FHIT: variants seen among roughly 807,000 people sequenced by gnomAD.
The protein encoded by FHIT is fragile histidine triad diadenosine triphosphatase, also known as bis(5'-adenosyl)-triphosphatase.
Under a neutral mutation model 17.9 loss-of-function variants are expected in FHIT, and 19 were observed. That is an observed-to-expected ratio of 1.06 (90% CI 0.74 to 1.56). The LOEUF (loss-of-function observed/expected upper bound fraction) is 1.56, where lower values mean the gene tolerates loss of function less well. Ranked by LOEUF, FHIT falls within the 40% of genes most tolerant of loss-of-function variation. The pLI is 0.00. For missense variants in FHIT, 248 were observed against 189.2 expected (o/e 1.31, Z -1.82); for synonymous variants, 81 against 69.7 (o/e 1.16, Z -0.81).
chr3:59,779,513 C>G (rs1481398683), intron 8 of FHIT, among the ~76,000 whole-genome samples: 3 of 152,144 alleles, frequency 2.0e-5, no homozygotes, highest in Admixed American at 2.0e-4. Flanking sequence ...ATAAATAAGG[C>G]TTTAGTTACA....
intron 2 of FHIT, among the ~76,000 whole-genome samples, chr3:61,073,247 T>G (rs929279296): frequency 3.3e-5 from 5 of 152,194 alleles, no homozygotes; most frequent in African/African-American, 9.7e-5. Context: ...CATTTGCTAC[T>G]TGTATGCATG....
intron 4 of FHIT, among the ~76,000 whole-genome samples, chr3:60,648,882 T>G (rs2039926102): frequency 6.6e-6 from 1 of 152,114 alleles, no homozygotes; most frequent in Non-Finnish European, 1.5e-5. Flanking sequence ...GTTCACTCAG[T>G]GATAAGGGGC....
At chr3:60,731,729 T>A (rs915963318) in intron 4 of FHIT, among the ~76,000 whole-genome samples, 2 of 152,128 alleles carry the variant, frequency 1.3e-5, no homozygotes, top group African/African-American at 4.8e-5. Context: ...TGATCACCGG[T>A]TTTAGGTTTC....
rs966447856 is a variant in FHIT, at chr3:60,376,144, T to A, written c.103+160716A>T. Among the ~76,000 whole-genome samples the A allele has an allele frequency of 5.9e-5, 9 of 152,288 alleles. No individual in the cohort carries two copies. In the South Asian group the frequency reaches 6.2e-4, roughly 11 times the overall value. On this transcript the variant is annotated intron_variant, in intron 5 of 9. Transcript: ENST00000492590. Reference sequence around the variant, plus strand: ...AGTGTTTAAAATTATTTGTTTAATGTCCATCTTTCCCACTAAATTATTGAG... The same window carrying A: ...AGTGTTTAAAATTATTTGTTTAATGACCATCTTTCCCACTAAATTATTGAG...
In FHIT at chr3:60,808,018, C is replaced by T. The variant is rs1480556860; in HGVS notation, c.-18+13901G>A. Among the ~76,000 whole-genome samples, 5 of 152,252 alleles carry T rather than the reference C, an allele frequency of 3.3e-5. No homozygotes were observed. In the East Asian group the frequency reaches 9.7e-4, roughly 30 times the overall value. On this transcript the variant is annotated intron_variant, in intron 4 of 9. Transcript: ENST00000492590. The stretch of plus-strand genomic sequence containing the variant: ...ATCCAAAGTGTGAATAGGCCATGAA[C>T]ATTTTTAAAACTATATATTCAGTTC...
chr3:60,540,895 G>A (rs1559524994), intron 4 of FHIT, among the ~76,000 whole-genome samples: 5 of 152,144 alleles, frequency 3.3e-5, no homozygotes, highest in Admixed American at 2.6e-4. Flanking sequence ...AAACCCAACA[G>A]TTCTCAAGGT....
At chr3:60,981,478 T>A (rs948606634) in intron 3 of FHIT, among the ~76,000 whole-genome samples, 5 of 151,958 alleles carry the variant, frequency 3.3e-5, no homozygotes, top group South Asian at 2.1e-4. Flanking sequence ...CTAATTTTTT[T>A]AAAATATATT....
chr3:60,549,922 G>A (rs142779748), intron 4 of FHIT, among the ~76,000 whole-genome samples: 150 of 152,274 alleles, frequency 9.9e-4, no homozygotes, highest in African/African-American at 3.4e-3. Context: ...GCATTACTCA[G>A]TGAATGGCAA....
chr3:60,141,282 G>A (rs1700028605), intron 5 of FHIT, among the ~76,000 whole-genome samples: 1 of 151,770 alleles, frequency 6.6e-6, no homozygotes, highest in South Asian at 2.1e-4. Flanking sequence ...GTTTTTCAGG[G>A]TTGTGGGAAT....
chr3:61,082,933 T>C (rs1355621088), intron 2 of FHIT, among the ~76,000 whole-genome samples: 3 of 152,140 alleles, frequency 2.0e-5, no homozygotes, highest in South Asian at 2.1e-4. Context: ...TCAGACAAGA[T>C]TGGATGCATT....
intron 7 of FHIT, among the ~76,000 whole-genome samples, chr3:59,927,471 A>AAAAAC (rs1553718410): frequency 0.011 from 1,577 of 146,582 alleles, 29 homozygotes; most frequent in African/African-American, 0.04. Flanking sequence ...CTTAAAAAAA[A>AAAAAC]AAAAAAAAAC....
intron 5 of FHIT, among the ~76,000 whole-genome samples, chr3:60,355,742 T>G (rs1425281992): frequency 6.6e-6 from 1 of 152,194 alleles, no homozygotes; most frequent in African/African-American, 2.4e-5. Context: ...AAATTTATCT[T>G]GACAAATAGA....
intron 5 of FHIT, among the ~76,000 whole-genome samples, chr3:60,304,757 G>A (rs1157306723): frequency 6.6e-6 from 1 of 151,920 alleles, no homozygotes; most frequent in African/African-American, 2.4e-5. Context: ...GCTAACTCTG[G>A]GAACTCTAAA....
chr3:60,608,818 A>C (rs905422204), intron 4 of FHIT, among the ~76,000 whole-genome samples: 1 of 152,228 alleles, frequency 6.6e-6, no homozygotes, highest in Non-Finnish European at 1.5e-5. Context: ...AGTCATTATC[A>C]GGAAATAACT....
At chr3:60,391,323 G>T (rs772748671) in intron 5 of FHIT, among the ~76,000 whole-genome samples, 1 of 152,084 alleles carries the variant, frequency 6.6e-6, no homozygotes, top group African/African-American at 2.4e-5. Flanking sequence ...TAGAGACAAG[G>T]TCTTGCCCTG....
At chr3:60,062,383 C>G (rs919942589) in intron 5 of FHIT, among the ~76,000 whole-genome samples, 1 of 152,172 alleles carries the variant, frequency 6.6e-6, no homozygotes, top group Admixed American at 6.5e-5. Context: ...TCGTAACACT[C>G]TTATTTTCTA....
chr3:60,254,931 G>A (rs998737639), intron 5 of FHIT, among the ~76,000 whole-genome samples: 6 of 152,088 alleles, frequency 3.9e-5, no homozygotes, highest in Admixed American at 1.3e-4. Flanking sequence ...TTAAAGGCCC[G>A]AGCACCATAA....
intron 5 of FHIT, among the ~76,000 whole-genome samples, chr3:60,092,588 C>T (rs568470045): frequency 6.6e-6 from 1 of 151,992 alleles, no homozygotes; most frequent in African/African-American, 2.4e-5. Context: ...ATATCTCAGA[C>T]CAAGGGTAAG....
At chr3:60,380,710 T>C (rs1373886163) in intron 5 of FHIT, among the ~76,000 whole-genome samples, 1 of 152,152 alleles carries the variant, frequency 6.6e-6, no homozygotes, top group Admixed American at 6.5e-5. Context: ...ATATTAAAAA[T>C]GCAAGCCAAA....
Sources: allele counts gnomAD v4.1 joint callset (sites outside exome capture counted in the v4.1 genomes callset), GRCh38; gene constraint gnomAD v4.1.1; transcripts MANE v1.5; gene names NCBI Gene and HGNC (gene_info 2026-07-23, HGNC 2026-07-21).